Variants in ANXA4 observed in about 807,000 individuals in gnomAD.
ANXA4 encodes the protein 35-beta calcimedin.
Under a neutral mutation model 49.8 loss-of-function variants are expected in ANXA4, and 39 were observed. That is an observed-to-expected ratio of 0.78 (90% confidence interval 0.61 to 1.02). ANXA4 has a LOEUF of 1.02. Among genes scored for constraint, ANXA4 ranks in the 50% least tolerant of loss-of-function variants. The probability of loss-of-function intolerance (pLI) is 0.00; values close to 1 mark genes in which losing one functional copy is unlikely to be tolerated. For missense variants in ANXA4, 360 were observed against 410.1 expected, an observed-to-expected ratio of 0.88 and a Z score of 1.05; for synonymous variants, 134 against 152.5, an observed-to-expected ratio of 0.88 and a Z score of 0.89.
chr2:69,655,131 A>C (rs1020703135), intron 2 of ANXA4, among the ~76,000 whole-genome samples: 1 of 152,210 alleles, frequency 6.6e-6, no homozygotes, highest in Non-Finnish European at 1.5e-5. Context: ...AGACTTCATG[A>C]CTATAACACC....
At chr2:69,794,942 T>C (rs1672877836) in intron 3 of ANXA4, among the ~76,000 whole-genome samples, 1 of 152,120 alleles carries the variant, frequency 6.6e-6, no homozygotes, top group South Asian at 2.1e-4. Context: ...TGCCCAAGAA[T>C]TTCCCTAACT....
intron 1 of ANXA4, among the ~76,000 whole-genome samples, chr2:69,645,497 C>G (rs1162922357): frequency 6.6e-6 from 1 of 152,214 alleles, no homozygotes; most frequent in Non-Finnish European, 1.5e-5. Context: ...TCTCTCAGCA[C>G]TTATTTGTCT....
intron 2 of ANXA4, among the ~76,000 whole-genome samples, chr2:69,659,449 T>G (rs1385734033): frequency 6.6e-6 from 1 of 152,254 alleles, no homozygotes; most frequent in African/African-American, 2.4e-5. Flanking sequence ...GTTTATTATC[T>G]CTTCTTTTAG....
chr2:69,718,764 TAC>T lies in ANXA4; in HGVS notation n.767-2002_767-2001del, dbSNP rs546519324. Among the ~76,000 whole-genome samples the T allele has an allele frequency of 2.0e-3, 291 of 146,438 alleles. 2 individuals carry two copies. Among genetic ancestry groups the T allele is most frequent in the Middle Eastern group, 3.4e-3 (1 of 292 alleles). On this transcript the variant is annotated intron_variant and non_coding_transcript_variant, in intron 2 of 3. Transcript: ENST00000418066. ...ACACACATACATGCATACACACACA[TAC>T]ACACACATTCACACACATGCATACA...
chr2:69,714,039 T>TC (rs1415458315), intron 2 of ANXA4, among the ~76,000 whole-genome samples: 1 of 152,228 alleles, frequency 6.6e-6, no homozygotes, highest in African/African-American at 2.4e-5. Context: ...TACACCTCTG[T>TC]CCCACATGAG....
chr2:69,777,721 C>A (rs1264705920), intron 1 of ANXA4, among the ~76,000 whole-genome samples: 1 of 152,192 alleles, frequency 6.6e-6, no homozygotes, highest in Non-Finnish European at 1.5e-5. Context: ...CTCCAGCTAC[C>A]TGAAAGAGTT....
At chr2:69,709,742 T>C (rs971622382) in intron 2 of ANXA4, among the ~76,000 whole-genome samples, 1 of 152,224 alleles carries the variant, frequency 6.6e-6, no homozygotes, top group Admixed American at 6.5e-5. Context: ...TGGTCTGTTA[T>C]GCAATTAACC....
intron 2 of ANXA4, among the ~76,000 whole-genome samples, chr2:69,659,850 T>G (rs1385782936): frequency 6.6e-6 from 1 of 152,144 alleles, no homozygotes; most frequent in Admixed American, 6.6e-5. Flanking sequence ...CAGCTACCAT[T>G]GCAATTGCTG....
At chr2:69,736,413 A>G (rs919370829) in intron 3 of ANXA4, among the ~76,000 whole-genome samples, 2 of 152,230 alleles carry the variant, frequency 1.3e-5, no homozygotes, top group Non-Finnish European at 2.9e-5. Context: ...GTGAGGATTA[A>G]ATCATTAATA....
At chr2:69,721,524 C>T (rs940796842) in intron 3 of ANXA4, among the ~76,000 whole-genome samples, 2 of 151,934 alleles carry the variant, frequency 1.3e-5, no homozygotes, top group African/African-American at 4.8e-5. Flanking sequence ...GCTGGCAAGA[C>T]CCTGTCTCTA....
chr2:69,770,376 G>T (rs1346841355), intron 1 of ANXA4, among the ~76,000 whole-genome samples: 5 of 152,196 alleles, frequency 3.3e-5, no homozygotes, highest in Admixed American at 2.6e-4. Context: ...CAGACCAGTG[G>T]TTTAAATTTG....
At chr2:69,734,395 T>C (rs1670187763) in intron 3 of ANXA4, among the ~76,000 whole-genome samples, 1 of 152,198 alleles carries the variant, frequency 6.6e-6, no homozygotes, top group Admixed American at 6.5e-5. Context: ...TAGATTATAG[T>C]TTAACTGTAG....
chr2:69,806,317 C>T (rs1208031036), intron 4 of ANXA4, 68 bp from the exon 5 acceptor site: 2 of 1,170,464 alleles, frequency 1.7e-6, no homozygotes, highest in Non-Finnish European at 2.6e-6. Context: ...CATCCCTGGA[C>T]CACACCTGGA....
At chr2:69,811,377 G>A (rs1319271914) in intron 7 of ANXA4, 1 of 152,556 alleles carries the variant, frequency 6.6e-6, no homozygotes. Flanking sequence ...TGATGTGACT[G>A]GAGCTGCACT....
intron 3 of ANXA4, among the ~76,000 whole-genome samples, chr2:69,792,036 T>C (rs1672714661): frequency 2.6e-5 from 4 of 152,208 alleles, no homozygotes; most frequent in Admixed American, 2.6e-4. Flanking sequence ...GGCAATTTTA[T>C]GTACCTCAAC....
intron 2 of ANXA4, among the ~76,000 whole-genome samples, chr2:69,694,758 C>T (rs1573111924): frequency 6.6e-6 from 1 of 151,932 alleles, no homozygotes; most frequent in Non-Finnish European, 1.5e-5. Flanking sequence ...TCTGGGTAAA[C>T]TTTGTTGTAA....
chr2:69,794,488 G>A (rs1335174485), intron 3 of ANXA4, among the ~76,000 whole-genome samples: 1 of 136,764 alleles, frequency 7.3e-6, no homozygotes, highest in East Asian at 2.2e-4. Flanking sequence ...AAAGACTGAG[G>A]GCTGGTATGT....
At chr2:69,778,041 T>G (rs35286755) in intron 1 of ANXA4, among the ~76,000 whole-genome samples, 27,006 of 152,210 alleles carry the variant, frequency 0.18, 2,947 homozygotes, top group East Asian at 0.29. Context: ...AAGTTTGAAT[T>G]TTGTACAATT....
At chr2:69,803,530 G>C (rs1673309253) in intron 3 of ANXA4, 1 of 152,188 alleles carries the variant, frequency 6.6e-6, no homozygotes, top group Non-Finnish European at 1.5e-5. Flanking sequence ...GCAAAACTTA[G>C]AACATTTTTA....
Sources: gnomAD v4.1 joint callset for allele counts (sites outside exome capture counted in the v4.1 genomes callset) on GRCh38, gnomAD v4.1.1 for gene constraint, MANE v1.5 for transcripts, NCBI Gene and HGNC (gene_info 2026-07-23, HGNC 2026-07-21) for gene names.